Variants in PDK1 observed in about 807,000 individuals in gnomAD.
The protein encoded by PDK1 is [Pyruvate dehydrogenase (acetyl-transferring)] kinase isozyme 1, mitochondrial.
A neutral mutation model predicts 54.2 loss-of-function variants in PDK1; 39 were observed. That is an observed-to-expected ratio of 0.72 (90% CI 0.56 to 0.94). PDK1 has a LOEUF of 0.94. PDK1 is among the 40% of genes least tolerant of loss of function. PDK1 has a pLI of 0.00. For synonymous variants in PDK1, 221 were observed against 207.1 expected, an observed-to-expected ratio of 1.07 and a Z score of -0.58; for missense variants, 552 against 566.0, an observed-to-expected ratio of 0.98 and a Z score of 0.25.
At chr2:172,637,653 GCT>G in the PDK1 span, among the ~76,000 whole-genome samples, 1 of 151,902 alleles carries the variant, frequency 6.6e-6, no homozygotes, top group African/African-American at 2.4e-5. Context: ...ATTCTGATCT[GCT>G]CTCTTCTCTA....
At chr2:172,576,567 GTT>G (rs933039354) in intron 8 of PDK1, among the ~76,000 whole-genome samples, 4 of 151,270 alleles carry the variant, frequency 2.6e-5, no homozygotes, top group African/African-American at 9.7e-5. Context: ...TGTTTTTCTA[GTT>G]TCTTAAGGTG....
At chr2:172,639,037 A>G in the PDK1 span, among the ~76,000 whole-genome samples, 2 of 152,276 alleles carry the variant, frequency 1.3e-5, no homozygotes, top group South Asian at 4.1e-4. Context: ...AAAAAATTTT[A>G]TTTTTTAAAA....
the PDK1 span, among the ~76,000 whole-genome samples, chr2:172,697,749 T>C: frequency 8.5e-5 from 13 of 152,210 alleles, no homozygotes; most frequent in Non-Finnish European, 1.8e-4. Flanking sequence ...GTAATCCTTG[T>C]CTCAGAAGAT....
chr2:172,707,336 C>G, the PDK1 span, among the ~76,000 whole-genome samples: 16 of 152,242 alleles, frequency 1.1e-4, no homozygotes, highest in Non-Finnish European at 5.9e-5. Flanking sequence ...TCTAGGCTCC[C>G]CAGCAGACTT....
chr2:172,609,265 G>A, downstream of PDK1, among the ~76,000 whole-genome samples: 1 of 152,144 alleles, frequency 6.6e-6, no homozygotes, highest in Non-Finnish European at 1.5e-5. Context: ...ATTGGAGATT[G>A]TCTGGTTTGT....
At chr2:172,668,280 T>C in the PDK1 span, among the ~76,000 whole-genome samples, 5 of 69,862 alleles carry the variant, frequency 7.2e-5, no homozygotes, top group East Asian at 3.9e-3. Flanking sequence ...CTTTCTTTAT[T>C]TTTTTTTTTT....
the PDK1 span, among the ~76,000 whole-genome samples, chr2:172,635,067 A>C: frequency 1.3e-5 from 2 of 152,194 alleles, no homozygotes; most frequent in East Asian, 3.8e-4. Context: ...AAATCTCACT[A>C]TATGTGTTTA....
At chr2:172,680,729 C>T in the PDK1 span, among the ~76,000 whole-genome samples, 2 of 152,088 alleles carry the variant, frequency 1.3e-5, no homozygotes, top group Non-Finnish European at 2.9e-5. Flanking sequence ...TCATTGAAAA[C>T]TTGACTCCAA....
chr2:172,688,703 A>G, the PDK1 span, among the ~76,000 whole-genome samples: 14 of 152,302 alleles, frequency 9.2e-5, no homozygotes, highest in South Asian at 2.1e-3. Context: ...GAAGATAGGG[A>G]GAAAATTAGC....
At chr2:172,703,569 G>A in the PDK1 span, among the ~76,000 whole-genome samples, 44 of 152,024 alleles carry the variant, frequency 2.9e-4, no homozygotes, top group African/African-American at 1.0e-3. Flanking sequence ...ATAAGCAGGT[G>A]CTAAAATTAA....
chr2:172,649,027 C>G, the PDK1 span, among the ~76,000 whole-genome samples: 9 of 152,352 alleles, frequency 5.9e-5, no homozygotes, highest in African/African-American at 2.2e-4. Context: ...AATGGACAGA[C>G]TGCCTCCTCA....
At chr2:172,560,915 A>G (rs1451027466) in intron 2 of PDK1, among the ~76,000 whole-genome samples, 2 of 152,356 alleles carry the variant, frequency 1.3e-5, no homozygotes, top group South Asian at 2.1e-4. Flanking sequence ...GTTTAGCTGC[A>G]GGGCATTTCC....
chr2:172,589,926 T>A (rs901666241), intron 9 of PDK1, among the ~76,000 whole-genome samples: 12 of 152,178 alleles, frequency 7.9e-5, no homozygotes, highest in African/African-American at 2.7e-4. Flanking sequence ...TTTAAGGAAC[T>A]TAAGAGCAAG....
the PDK1 span, among the ~76,000 whole-genome samples, chr2:172,690,955 C>A: frequency 1.3e-5 from 2 of 150,108 alleles, no homozygotes; most frequent in African/African-American, 2.4e-5. Flanking sequence ...GGTATCAAAC[C>A]TGCACGTTGT....
chr2:172,696,979 T>C, the PDK1 span, among the ~76,000 whole-genome samples: 1 of 152,194 alleles, frequency 6.6e-6, no homozygotes, highest in African/African-American at 2.4e-5. Flanking sequence ...ACTCTGCTTC[T>C]ATCCCAATTA....
At chr2:172,701,648 G>GTTTTTTTTTTTTTTTT in the PDK1 span, among the ~76,000 whole-genome samples, 1 of 124,868 alleles carries the variant, frequency 8.0e-6, no homozygotes. Context: ...TTTTTGTTTT[G>GTTTTTTTTTTTTTTTT]TTTTTTTTTT....
the PDK1 span, among the ~76,000 whole-genome samples, chr2:172,688,881 G>C: frequency 0.048 from 7,261 of 152,272 alleles, 295 homozygotes; most frequent in East Asian, 0.18. Context: ...GTCCAGAGTT[G>C]GTTCCTTCCA....
At chr2:172,592,787 A>G (rs1277586730) in intron 9 of PDK1, 148 bp from the exon 10 acceptor site, 12 of 420,248 alleles carry the variant, frequency 2.9e-5, no homozygotes, top group African/African-American at 1.2e-4. Flanking sequence ...ATCATTGTCA[A>G]TGCTTAAATA....
the PDK1 span, among the ~76,000 whole-genome samples, chr2:172,649,268 G>T: frequency 6.6e-6 from 1 of 152,226 alleles, no homozygotes; most frequent in Non-Finnish European, 1.5e-5. Context: ...TGCAGCTGAG[G>T]GTGCTGACTG....
Sources: gnomAD v4.1 joint callset for allele counts (sites outside exome capture counted in the v4.1 genomes callset) on GRCh38, gnomAD v4.1.1 for gene constraint, MANE v1.5 for transcripts, NCBI Gene and HGNC (gene_info 2026-07-23, HGNC 2026-07-21) for gene names.